The following ANKRD11 variants were observed in gnomAD, a reference collection of about 807,000 sequenced individuals.
The protein encoded by ANKRD11 is ankyrin repeat domain-containing protein 11.
ANKRD11 carries 17 observed loss-of-function variants against 195.7 expected under a neutral mutation model. The ratio of observed to expected loss-of-function variants is 0.09; its 90% CI spans 0.06 to 0.13. The LOEUF is 0.13. ANKRD11 is among the 10% of genes least tolerant of loss of function. The pLI, the probability that ANKRD11 is intolerant of heterozygous loss-of-function variation, is 1.00. For missense variants in ANKRD11, 3,735 were observed against 3,566.1 expected, an observed-to-expected ratio of 1.05 and a Z score of -1.21; for synonymous variants, 1,953 against 1,528.1, an observed-to-expected ratio of 1.28 and a Z score of -6.49.
rs1440210861 is a variant in ANKRD11, at chr16:89,270,896, T to C, written c.7727A>G (p.Lys2576Arg). 6.2e-7 allele frequency: 1 copy of C among 1,613,992 alleles called. No individual in the cohort carries two copies. Among genetic ancestry groups the C allele is most frequent in the East Asian group, 2.2e-5 (1 of 44,882 alleles). The change falls in exon 12 of 13, where the codon AAG becomes AGG. Residue 2576 changes from lysine (K) to arginine (R), a missense_variant. By Grantham distance (26) the Lys-to-Arg change is conservative. Transcript: ENST00000301030. ...GGCGTTGAAACGGTCGCGCACTGAC[T>C]TGTTCTCGTCACCCTGTGGAAACCA... ...MPLESQGDEN[K>R]SVRDRFNARQ...
At chr16:89,386,917 C>A (rs368171179) in intron 2 of ANKRD11, among the ~76,000 whole-genome samples, 1 of 151,862 alleles carries the variant, frequency 6.6e-6, no homozygotes, top group East Asian at 1.9e-4. Context: ...CAGCTCCCCA[C>A]GCCTCGACCA....
chr16:89,344,760 C>T (rs1367570066), intron 2 of ANKRD11, among the ~76,000 whole-genome samples: 1 of 151,116 alleles, frequency 6.6e-6, no homozygotes, highest in African/African-American at 2.5e-5. Context: ...GGCACGGGAG[C>T]ACAGCGGAGG....
intron 1 of ANKRD11, among the ~76,000 whole-genome samples, chr16:89,464,234 A>G (rs555835715): frequency 5.3e-5 from 8 of 151,704 alleles, no homozygotes. Context: ...ACGAGACTCC[A>G]TCTCAAAAGA....
chr16:89,322,565 A>G (rs759926293), intron 2 of ANKRD11, among the ~76,000 whole-genome samples: 1 of 152,232 alleles, frequency 6.6e-6, no homozygotes, highest in African/African-American at 2.4e-5. Flanking sequence ...AAGCCCTTCA[A>G]GGGAAGCTCT....
intron 4 of ANKRD11, chr16:89,299,568 C>A (rs111174308): frequency 3.3e-5 from 2 of 61,328 alleles, no homozygotes; most frequent in East Asian, 5.9e-4. Flanking sequence ...CTGCCTGCCC[C>A]GTGTGGGGTG....
At chr16:89,462,339 G>A (rs945058713) in intron 1 of ANKRD11, among the ~76,000 whole-genome samples, 5 of 152,330 alleles carry the variant, frequency 3.3e-5, no homozygotes, top group East Asian at 1.9e-4. Context: ...CCGAGGTGCC[G>A]GGATTGCAGA....
chr16:89,286,228 C>A, intron 7 of ANKRD11, 42 bp from the exon 8 acceptor site: 2 of 1,606,744 alleles, frequency 1.2e-6, no homozygotes, highest in Non-Finnish European at 1.7e-6. Context: ...GCTGGAGAAG[C>A]ACAACTCCTC....
At chr16:89,351,417 C>A (rs1315381175) in intron 2 of ANKRD11, among the ~76,000 whole-genome samples, 3 of 152,190 alleles carry the variant, frequency 2.0e-5, no homozygotes, top group Non-Finnish European at 2.9e-5. Flanking sequence ...CACCACACAC[C>A]CTCCACTACC....
intron 1 of ANKRD11, among the ~76,000 whole-genome samples, chr16:89,452,779 C>CAAAA (rs11401095): frequency 2.5e-4 from 18 of 73,420 alleles, no homozygotes; most frequent in South Asian, 5.7e-4. Context: ...GACTCTATCT[C>CAAAA]AAAAAAAAAA....
chr16:89,456,233 CG>C (rs1194235161), intron 1 of ANKRD11, among the ~76,000 whole-genome samples: 2 of 146,472 alleles, frequency 1.4e-5, no homozygotes. Flanking sequence ...GAACAAGATT[CG>C]GTCCCAAAAA....
chr16:89,381,309 G>A (rs534454511), intron 2 of ANKRD11, among the ~76,000 whole-genome samples: 1 of 137,916 alleles, frequency 7.3e-6, no homozygotes, highest in Non-Finnish European at 1.5e-5. Flanking sequence ...TCCAGCCTGG[G>A]CTACAGAGCG....
chr16:89,415,778 A>G lies in ANKRD11; in HGVS notation c.-60+2506T>C, dbSNP rs966514977. On this transcript the variant is annotated intron_variant, in intron 2 of 12. Transcript: ENST00000301030. ...GGGAGGTGGAGGTTGCAGTGAGCCG[A>G]GATTGCACCACTACACTCCAGGCCC... Among the ~76,000 whole-genome samples, 13 of 139,302 alleles carry G rather than the reference A, an allele frequency of 9.3e-5. No individual in the cohort carries two copies. The South Asian group carries it at 9.8e-4, about 10-fold the overall frequency. The allele number at this position is 139,302 out of a possible 152,430, so 91.4% of individuals were successfully genotyped here.
intron 1 of ANKRD11, among the ~76,000 whole-genome samples, chr16:89,454,043 C>T (rs1186418370): frequency 2.6e-5 from 4 of 152,152 alleles, no homozygotes; most frequent in Non-Finnish European, 4.4e-5. Flanking sequence ...GCAGGTAGTA[C>T]ATGTTTCACA....
intron 2 of ANKRD11, among the ~76,000 whole-genome samples, chr16:89,408,480 C>T (rs2041995740): frequency 6.6e-6 from 1 of 152,252 alleles, no homozygotes; most frequent in African/African-American, 2.4e-5. Context: ...TGGCAAGTGG[C>T]CGACCCAGAT....
chr16:89,343,953 C>G (rs1156295794), intron 2 of ANKRD11: 1 of 152,244 alleles, frequency 6.6e-6, no homozygotes, highest in Non-Finnish European at 1.5e-5. Flanking sequence ...ATCCACCCAC[C>G]CACACTCACG....
intron 11 of ANKRD11, 76 bp from the exon 12 acceptor site, chr16:89,270,985 G>T: frequency 1.4e-6 from 2 of 1,400,062 alleles, no homozygotes; most frequent in Non-Finnish European, 1.0e-6. Context: ...CCTGGGCGAT[G>T]CTGCAGTGAC....
chr16:89,404,412 C>A (rs751974425), intron 2 of ANKRD11, among the ~76,000 whole-genome samples: 6 of 152,184 alleles, frequency 3.9e-5, no homozygotes, highest in Non-Finnish European at 7.3e-5. Context: ...AGGTACAACC[C>A]TATTATGTCT....
chr16:89,296,888 C>T (rs2035473209), intron 4 of ANKRD11, among the ~76,000 whole-genome samples: 1 of 152,120 alleles, frequency 6.6e-6, no homozygotes, highest in Non-Finnish European at 1.5e-5. Context: ...AGGAATGGGT[C>T]AGAAGTCTCA....
chr16:89,289,562 C>T (rs2034887348), intron 6 of ANKRD11, among the ~76,000 whole-genome samples: 1 of 152,192 alleles, frequency 6.6e-6, no homozygotes, highest in East Asian at 1.9e-4. Context: ...AGGCAAGCCC[C>T]AGGACCCAGC....
Sources: gnomAD v4.1 joint callset for allele counts (sites outside exome capture counted in the v4.1 genomes callset) on GRCh38, gnomAD v4.1.1 for gene constraint, MANE v1.5 for transcripts, NCBI Gene and HGNC (gene_info 2026-07-23, HGNC 2026-07-21) for gene names.